MAML3: variants seen among roughly 807,000 people sequenced by gnomAD.
MAML3 encodes mastermind like transcriptional coactivator 3, also known as mastermind-like protein 3.
MAML3 carries 27 observed loss-of-function variants against 101.9 expected under a neutral mutation model. The ratio of observed to expected loss-of-function variants is 0.27; its 90% confidence interval spans 0.20 to 0.37. The LOEUF (loss-of-function observed/expected upper bound fraction) is 0.37. MAML3 is among the 10% of genes least tolerant of loss of function. The pLI is 1.00. For missense variants in MAML3, 1,316 were observed against 1,444.9 expected (o/e 0.91, Z 1.45); for synonymous variants, 501 against 555.9 (o/e 0.90, Z 1.39).
intron 2 of MAML3, among the ~76,000 whole-genome samples, chr4:139,873,800 G>A (rs989602631): frequency 4.6e-5 from 7 of 152,290 alleles, no homozygotes; most frequent in Non-Finnish European, 4.4e-5. Context: ...ACAGCTTCAC[G>A]GTAGCCTTAT....
At chr4:139,795,478 A>G (rs1730496964) in intron 2 of MAML3, among the ~76,000 whole-genome samples, 1 of 152,176 alleles carries the variant, frequency 6.6e-6, no homozygotes, top group South Asian at 2.1e-4. Flanking sequence ...TTTGGAGGCA[A>G]TTTCCTGTTA....
intron 2 of MAML3, among the ~76,000 whole-genome samples, chr4:139,818,785 T>A (rs1014995567): frequency 5.9e-5 from 9 of 152,204 alleles, no homozygotes; most frequent in Admixed American, 1.3e-4. Flanking sequence ...AAACATTCAC[T>A]ACTATTATGG....
rs1726614029 is a variant in MAML3 at position 140,014,606 on chromosome 4, A to AGT, written c.469-123641_469-123640dup. 5.9e-5 allele frequency among the ~76,000 whole-genome samples: 9 copies of AGT among 152,380 alleles called. No individual in the cohort carries two copies. The South Asian group carries it at 1.9e-3, about 32-fold the overall frequency. On this transcript the variant is annotated intron_variant, in intron 1 of 4. Coordinates refer to ENST00000509479, the MANE Select transcript of MAML3 (RefSeq NM_018717.5). ...CTTAGAGTCTAAATGATGATACAGA[A>AGT]GTATATATAATGACAAAAACAATTT...
At chr4:139,928,236 T>C (rs1318502560) in intron 1 of MAML3, among the ~76,000 whole-genome samples, 2 of 152,234 alleles carry the variant, frequency 1.3e-5, no homozygotes, top group African/African-American at 4.8e-5. Flanking sequence ...GATAGTTACA[T>C]TTCATAATAA....
chr4:139,854,252 G>A (rs1196811943), intron 2 of MAML3, among the ~76,000 whole-genome samples: 1 of 152,014 alleles, frequency 6.6e-6, no homozygotes, highest in Non-Finnish European at 1.5e-5. Flanking sequence ...GCATGTAGAA[G>A]TGTTCAAGAA....
chr4:139,836,978 C>T lies in MAML3; in HGVS notation c.2079+52379G>A, dbSNP rs540490763. ...TCTCTACTAAAAATACAAAATTAGC[C>T]GGGCTTGGTGGTGCATGCCTGCAAT... On this transcript the variant is annotated intron_variant, in intron 2 of 4. Transcript: ENST00000509479. Among the ~76,000 whole-genome samples the T allele has an allele frequency of 6.6e-5, 10 of 151,590 alleles. No homozygotes were observed. The South Asian group carries it at 8.4e-4, about 13-fold the overall frequency.
At chr4:139,910,958 A>G (rs1469356668) in intron 1 of MAML3, among the ~76,000 whole-genome samples, 1 of 152,180 alleles carries the variant, frequency 6.6e-6, no homozygotes, top group Non-Finnish European at 1.5e-5. Context: ...GTACATTCAC[A>G]CTGTTGTACA....
chr4:140,042,970 A>C (rs1293576444), intron 1 of MAML3, among the ~76,000 whole-genome samples: 1 of 152,200 alleles, frequency 6.6e-6, no homozygotes, highest in Non-Finnish European at 1.5e-5. Context: ...ATGCCCTTAC[A>C]GGCTCAGTGA....
chr4:139,966,742 A>T (rs1366822952), intron 1 of MAML3, among the ~76,000 whole-genome samples: 2 of 152,058 alleles, frequency 1.3e-5, no homozygotes, highest in Non-Finnish European at 2.9e-5. Context: ...ATTTTAACAA[A>T]TTTTTTTTAC....
chr4:140,104,385 ATATT>A (rs1728306175), intron 1 of MAML3, among the ~76,000 whole-genome samples: 2 of 58,776 alleles, frequency 3.4e-5, no homozygotes, highest in Admixed American at 4.8e-4. Context: ...TAATATATAT[ATATT>A]ATATATTATA....
chr4:140,046,486 T>G (rs1298704469), intron 1 of MAML3, among the ~76,000 whole-genome samples: 1 of 152,234 alleles, frequency 6.6e-6, no homozygotes. Context: ...TGTGATCTCA[T>G]TATCTAATTT....
At chr4:139,751,216 G>A (rs1376675378) in intron 2 of MAML3, among the ~76,000 whole-genome samples, 2 of 152,136 alleles carry the variant, frequency 1.3e-5, no homozygotes, top group Admixed American at 6.5e-5. Context: ...AGATTTTCTA[G>A]GAGACTACTA....
chr4:140,000,191 C>T (rs142813929), intron 1 of MAML3, among the ~76,000 whole-genome samples: 31 of 152,186 alleles, frequency 2.0e-4, no homozygotes, highest in Admixed American at 5.9e-4. Flanking sequence ...TATATTAAAA[C>T]TGTCACAGTC....
Position 139,718,154 on chromosome 4 carries a change from G to C in MAML3, c.*1169C>G, listed in dbSNP as rs950052634. The C allele has an allele frequency of 2.1e-4, 32 of 152,224 alleles. No individual in the cohort carries two copies. Among genetic ancestry groups the C allele is most frequent in the African/African-American group, 7.5e-4 (31 of 41,514 alleles). The allele number at this position is 152,224 out of a possible 1,614,324, so 9.4% of individuals were successfully genotyped here. A position where few individuals can be genotyped will look rare whatever the true frequency, so the allele number is the denominator to read the frequency against. On this transcript the variant is annotated 3_prime_UTR_variant, in exon 5 of 5. Coordinates refer to ENST00000509479, the MANE Select transcript of MAML3 (RefSeq NM_018717.5). The stretch of plus-strand genomic sequence containing the variant: ...GTGACCTCCAGGCCACTCCTTCCTG[G>C]GGATATCAGAAATATCAGATGTGGC...
At chr4:140,150,430 GAA>G (rs777977678) in intron 1 of MAML3, among the ~76,000 whole-genome samples, 1 of 152,144 alleles carries the variant, frequency 6.6e-6, no homozygotes, top group African/African-American at 2.4e-5. Context: ...CCCAAACACC[GAA>G]AGTTTCTGGT....
chr4:140,136,757 C>T (rs978826593), intron 1 of MAML3, among the ~76,000 whole-genome samples: 1 of 152,068 alleles, frequency 6.6e-6, no homozygotes, highest in Non-Finnish European at 1.5e-5. Flanking sequence ...AATGTATGAG[C>T]CACCAAAGGG....
chr4:140,011,075 G>A (rs1322461972), intron 1 of MAML3, among the ~76,000 whole-genome samples: 3 of 140,276 alleles, frequency 2.1e-5, no homozygotes, highest in Admixed American at 1.5e-4. Context: ...TCTAGCCTGG[G>A]CGACAGGGCT....
At chr4:139,870,986 G>A (rs1731996873) in intron 2 of MAML3, among the ~76,000 whole-genome samples, 1 of 152,082 alleles carries the variant, frequency 6.6e-6, no homozygotes, top group Non-Finnish European at 1.5e-5. Flanking sequence ...ATGATGAGTG[G>A]GTTTTCAGAT....
chr4:139,968,626 G>T (rs1734182173), intron 1 of MAML3, among the ~76,000 whole-genome samples: 1 of 152,030 alleles, frequency 6.6e-6, no homozygotes, highest in African/African-American at 2.4e-5. Flanking sequence ...CCCTGAGGTG[G>T]GTTCTGTTAG....
Sources: gnomAD v4.1 joint callset for allele counts (sites outside exome capture counted in the v4.1 genomes callset) on GRCh38, gnomAD v4.1.1 for gene constraint, MANE v1.5 for transcripts, NCBI Gene and HGNC (gene_info 2026-07-23, HGNC 2026-07-21) for gene names.